TSPAN18: variants seen among roughly 807,000 people sequenced by gnomAD.
TSPAN18 encodes the protein tetraspanin 18.
Under a neutral mutation model 27.3 loss-of-function variants are expected in TSPAN18, and 14 were observed. The observed-to-expected ratio is 0.51, with a 90% CI of 0.34 to 0.80. TSPAN18 has a LOEUF of 0.80. TSPAN18 is among the 30% of genes least tolerant of loss of function. The pLI is 0.01. For missense variants in TSPAN18, 268 were observed against 323.9 expected (o/e 0.83, Z 1.32); for synonymous variants, 143 against 136.5 (o/e 1.05, Z -0.33).
At chr11:44,905,375 C>G (rs1421813224) in intron 3 of TSPAN18, among the ~76,000 whole-genome samples, 3 of 152,198 alleles carry the variant, frequency 2.0e-5, no homozygotes, top group Non-Finnish European at 2.9e-5. Flanking sequence ...ACCTGCAGTG[C>G]CGGCAGCTCA....
In TSPAN18 at chr11:44,727,065, G is replaced by GGCCCCA. The variant is rs1190379437; in HGVS notation, c.-456_-451dup. The GGCCCCA allele has an allele frequency of 1.7e-3, 60 of 34,714 alleles. No homozygotes were observed. The highest frequency in any genetic ancestry group is 5.3e-3 in the African/African-American group (59 of 11,176). The allele number at this position is 34,714 out of a possible 1,614,324, so 2.2% of individuals were successfully genotyped here. A position where few individuals can be genotyped will look rare whatever the true frequency, so the allele number is the denominator to read the frequency against. ...CCGCCCGAGCCCCAGCCCCGGCCCC[G>GGCCCCA]GCCCCAGCCCCGGCCCCGGCCCCGG... On this transcript the variant is annotated 5_prime_UTR_variant, in exon 1 of 10. Transcript: ENST00000520358.
intron 1 of TSPAN18, among the ~76,000 whole-genome samples, chr11:44,733,003 A>G (rs992660115): frequency 5.9e-5 from 9 of 152,142 alleles, no homozygotes; most frequent in African/African-American, 1.9e-4. Flanking sequence ...GTGGCATCCA[A>G]AGTTACTGCA....
At chr11:44,785,051 T>C (rs1476945220) in intron 2 of TSPAN18, among the ~76,000 whole-genome samples, 3 of 152,226 alleles carry the variant, frequency 2.0e-5, no homozygotes, top group African/African-American at 7.2e-5. Flanking sequence ...CAAAGCGTGG[T>C]TCTAAATCTG....
At chr11:44,864,545 C>T (rs1226885252) in intron 3 of TSPAN18, among the ~76,000 whole-genome samples, 2 of 152,184 alleles carry the variant, frequency 1.3e-5, no homozygotes. Context: ...CCCAGCTTCC[C>T]ATGGCACCCG....
At chr11:44,730,559 C>T (rs1854627798) in intron 1 of TSPAN18, among the ~76,000 whole-genome samples, 1 of 152,098 alleles carries the variant, frequency 6.6e-6, no homozygotes, top group African/African-American at 2.4e-5. Context: ...CTCCTGCCAC[C>T]CGGGCTGGCA....
chr11:44,765,270 G>A (rs1855541521), intron 2 of TSPAN18, among the ~76,000 whole-genome samples: 1 of 152,194 alleles, frequency 6.6e-6, no homozygotes, highest in South Asian at 2.1e-4. Context: ...GGGATTCCAA[G>A]ACCAGGGCTG....
At chr11:44,807,908 C>G (rs1856635430) in intron 2 of TSPAN18, among the ~76,000 whole-genome samples, 1 of 152,128 alleles carries the variant, frequency 6.6e-6, no homozygotes, top group Non-Finnish European at 1.5e-5. Flanking sequence ...GATGCACACC[C>G]CAGCTGCCCA....
chr11:44,878,947 G>A (rs1858413906), intron 3 of TSPAN18, among the ~76,000 whole-genome samples: 2 of 152,120 alleles, frequency 1.3e-5, no homozygotes, highest in Admixed American at 1.3e-4. Context: ...CCATCCCTCA[G>A]CAGCACGATG....
At chr11:44,786,552 G>A (rs1856061467) in intron 2 of TSPAN18, among the ~76,000 whole-genome samples, 1 of 151,918 alleles carries the variant, frequency 6.6e-6, no homozygotes, top group Non-Finnish European at 1.5e-5. Flanking sequence ...CCCTGCTGGT[G>A]AGTGGAAGTT....
chr11:44,752,251 T>C (rs139629664), intron 1 of TSPAN18, among the ~76,000 whole-genome samples: 98 of 152,346 alleles, frequency 6.4e-4, no homozygotes, highest in Admixed American at 3.4e-3. Flanking sequence ...TGAAGTCCTC[T>C]CTGTTTTAAC....
chr11:44,816,425 A>G (rs1325176551), intron 2 of TSPAN18, among the ~76,000 whole-genome samples: 2 of 152,192 alleles, frequency 1.3e-5, no homozygotes, highest in Non-Finnish European at 2.9e-5. Context: ...ATCGAGTGCT[A>G]TGTGTGCTCT....
chr11:44,908,812 A>AAAGAAAGAAAGG (rs1564993178), intron 4 of TSPAN18, among the ~76,000 whole-genome samples: 3 of 143,586 alleles, frequency 2.1e-5, no homozygotes, highest in East Asian at 2.1e-4. Context: ...AGAAAGAAAG[A>AAAGAAAGAAAGG]AAGAAAGAAA....
chr11:44,726,915 A>AGGGCGGGGGAGG (rs1854523473), upstream of TSPAN18: 2 of 5,082 alleles, frequency 3.9e-4, no homozygotes, highest in African/African-American at 7.9e-4. Context: ...GGGGGAGGGG[A>AGGGCGGGGGAGG]GGGACGGACG....
intron 2 of TSPAN18, among the ~76,000 whole-genome samples, chr11:44,787,616 A>C (rs149430158): frequency 6.6e-6 from 1 of 152,328 alleles, no homozygotes; most frequent in East Asian, 1.9e-4. Context: ...AATAATAACA[A>C]TCTGACTTAA....
At chr11:44,727,429 C>T (rs1854543005) in intron 1 of TSPAN18, 142 bp downstream of exon 1, 1 of 152,296 alleles carries the variant, frequency 6.6e-6, no homozygotes, top group African/African-American at 2.4e-5. Flanking sequence ...GGACGGAAGC[C>T]CGGCAACCAA....
At chr11:44,732,348 C>T (rs978600804) in intron 1 of TSPAN18, among the ~76,000 whole-genome samples, 1 of 152,238 alleles carries the variant, frequency 6.6e-6, no homozygotes, top group African/African-American at 2.4e-5. Flanking sequence ...GGTTTGGATA[C>T]TGCCCCCATT....
At chr11:44,916,574 G>T (rs2135357741) in intron 5 of TSPAN18, among the ~76,000 whole-genome samples, 1 of 152,256 alleles carries the variant, frequency 6.6e-6, no homozygotes, top group South Asian at 2.1e-4. Flanking sequence ...CCAGAAGTGG[G>T]TCTCCACATC....
chr11:44,839,406 T>C (rs1857324579), intron 2 of TSPAN18, among the ~76,000 whole-genome samples: 1 of 152,226 alleles, frequency 6.6e-6, no homozygotes, highest in South Asian at 2.1e-4. Flanking sequence ...TTTTCCCTAA[T>C]GAGCTTCTCC....
intron 3 of TSPAN18, chr11:44,897,670 G>A: frequency 1.1e-6 from 1 of 914,484 alleles, no homozygotes; most frequent in Non-Finnish European, 1.5e-6. Context: ...CTGGAGGGCG[G>A]GTTTTCATAA....
Sources: allele counts gnomAD v4.1 joint callset (sites outside exome capture counted in the v4.1 genomes callset), GRCh38; gene constraint gnomAD v4.1.1; transcripts MANE v1.5; gene names NCBI Gene and HGNC (gene_info 2026-07-23, HGNC 2026-07-21).